Variants in TRIOBP observed in about 807,000 individuals in gnomAD.
TRIOBP encodes TRIO and F-actin-binding protein.
TRIOBP carries 169 observed loss-of-function variants against 238.8 expected under a neutral mutation model. The observed-to-expected ratio is 0.71, with a 90% confidence interval of 0.62 to 0.80. TRIOBP has a LOEUF of 0.80. Among genes scored for constraint, TRIOBP ranks in the 30% least tolerant of loss-of-function variants. The probability of loss-of-function intolerance (pLI) is 0.00; values close to 1 mark genes in which losing one functional copy is unlikely to be tolerated. For synonymous variants in TRIOBP, 1,150 were observed against 1,274.4 expected (o/e 0.90, Z 2.08); for missense variants, 2,838 against 3,122.6 (o/e 0.91, Z 2.17).
chr22:37,765,849 G>A (rs757903896), intron 18 of TRIOBP, 32 bp downstream of exon 18: 1 of 1,575,904 alleles, frequency 6.3e-7, no homozygotes, highest in East Asian at 2.3e-5. Flanking sequence ...CAGTGGGCTG[G>A]GCTCTGAGCC....
chr22:37,765,738 G>C lies in TRIOBP; in HGVS notation c.6393G>C (p.Arg2131=), dbSNP rs1926458470. The change falls in exon 18 of 24, where the codon CGG becomes CGC. Residue 2131 remains arginine, a synonymous_variant. Transcript: ENST00000644935. ...SHQQVMEELQ[R]HHERELQRLQ... Reference sequence around the variant, plus strand: ...AGCAGGTGATGGAGGAGCTGCAGCGGCACCACGAGCGGGAGCTGCAGCGCC... The same window carrying C: ...AGCAGGTGATGGAGGAGCTGCAGCGCCACCACGAGCGGGAGCTGCAGCGCC... 6.4e-7 allele frequency: 1 copy of C among 1,568,722 alleles called. No homozygotes were observed. Among genetic ancestry groups the C allele is most frequent in the African/African-American group, 1.4e-5 (1 of 73,778 alleles).
chr22:37,736,393 A>G (rs539542076), intron 9 of TRIOBP, among the ~76,000 whole-genome samples: 86 of 152,202 alleles, frequency 5.7e-4, no homozygotes, highest in African/African-American at 1.8e-3. Flanking sequence ...TCCTAGATGC[A>G]AAGTCCAACG....
rs756323680 is a variant in TRIOBP, at chr22:37,735,211, G to A, written c.4875G>A (p.Glu1625=). 1.9e-6 allele frequency: 3 copies of A among 1,607,844 alleles called. No individual in the cohort carries two copies. The Admixed American group carries it at 5.0e-5, about 27-fold the overall frequency. ...GCACAAACGATGTCCCTGAGCAGGA[G>A]TCACACAGCCAGCCAGAAGGCTGGG... The part of the protein sequence containing the change: ...PPGTNDVPEQ[E]SHSQPEGWAE... Residue 1625 remains glutamate, a synonymous_variant, in exon 9 of 24, where the codon GAG becomes GAA. Transcript: ENST00000644935.
intron 5 of TRIOBP, among the ~76,000 whole-genome samples, chr22:37,715,361 G>T (rs1923458963): frequency 1.4e-5 from 2 of 146,828 alleles, no homozygotes; most frequent in Non-Finnish European, 3.0e-5. Flanking sequence ...TTTGTTTTTT[G>T]AGACAGAGTC....
chr22:37,727,847 C>G (rs995964160), intron 7 of TRIOBP, among the ~76,000 whole-genome samples: 1 of 152,124 alleles, frequency 6.6e-6, no homozygotes, highest in Non-Finnish European at 1.5e-5. Context: ...CCTGATCAGG[C>G]TGAGGTTTCT....
intron 4 of TRIOBP, 34 bp downstream of exon 4, chr22:37,710,600 A>C: frequency 6.3e-7 from 1 of 1,594,494 alleles, no homozygotes. Context: ...GAAGGGCTTC[A>C]TGGGGTGGAA....
intron 12 of TRIOBP, among the ~76,000 whole-genome samples, chr22:37,752,752 C>T (rs1925689281): frequency 1.3e-5 from 2 of 152,234 alleles, no homozygotes; most frequent in African/African-American, 2.4e-5. Context: ...CACCCAGGGT[C>T]CCCGGAGGGC....
intron 5 of TRIOBP, 131 bp from the exon 6 acceptor site, chr22:37,715,632 A>G: frequency 1.9e-6 from 2 of 1,065,214 alleles, no homozygotes. Flanking sequence ...CGTGAGCCAC[A>G]GCGCCTGGCC....
chr22:37,748,783 C>A (rs1382858085), intron 11 of TRIOBP, among the ~76,000 whole-genome samples: 6 of 152,030 alleles, frequency 3.9e-5, no homozygotes, highest in Non-Finnish European at 8.8e-5. Flanking sequence ...GCTGGTGGTG[C>A]GGTGAGTGGC....
chr22:37,731,571 C>T (rs1924423224), intron 7 of TRIOBP, among the ~76,000 whole-genome samples: 2 of 152,172 alleles, frequency 1.3e-5, no homozygotes, highest in African/African-American at 2.4e-5. Flanking sequence ...ATCCTCCTGC[C>T]TCAGCCTCCT....
At chr22:37,711,871 C>T (rs987518948) in intron 4 of TRIOBP, among the ~76,000 whole-genome samples, 17 of 152,120 alleles carry the variant, frequency 1.1e-4, no homozygotes, top group Non-Finnish European at 1.0e-4. Context: ...ATACTGCCAG[C>T]GCTAAGCCTT....
At chr22:37,738,290 T>C (rs1045828257) in intron 9 of TRIOBP, among the ~76,000 whole-genome samples, 3 of 152,062 alleles carry the variant, frequency 2.0e-5, no homozygotes, top group Non-Finnish European at 4.4e-5. Flanking sequence ...TTGGGTGGAA[T>C]ATGAATGGAT....
rs759231894 is a variant in TRIOBP at position 37,725,001 on chromosome 22, C to T, written c.2445C>T (p.Pro815=). ...SPIRATQQDN[P]RTCIQQNIPR... ...TCAGAGCCACCCAACAGGACAACCC[C>T]AGAACTTGTATTCAACAGAACATCC... is the stretch of plus-strand genomic sequence containing the variant. Residue 815 remains proline, a synonymous_variant, in exon 7 of 24, where the codon CCC becomes CCT. Transcript: ENST00000644935. The T allele has an allele frequency of 6.2e-7, 1 of 1,614,036 alleles. No homozygotes were observed. The highest frequency in any genetic ancestry group is 1.7e-5 in the Admixed American group (1 of 60,014).
chr22:37,772,963 C>G (rs533278828), intron 23 of TRIOBP, among the ~76,000 whole-genome samples, 199 bp downstream of exon 23: 1 of 152,228 alleles, frequency 6.6e-6, no homozygotes, highest in Non-Finnish European at 1.5e-5. Context: ...GCTTCATCAG[C>G]TTAAGCCTGT....
chr22:37,750,919 G>A (rs1925555903), intron 11 of TRIOBP: 2 of 375,750 alleles, frequency 5.3e-6, no homozygotes, highest in Admixed American at 6.5e-5. Flanking sequence ...GGGCTGATAG[G>A]TAGGCTCAGA....
chr22:37,759,231 G>A lies in TRIOBP; in HGVS notation c.6291G>A (p.Glu2097=). Residue 2097 remains glutamate (E), a synonymous_variant, in exon 17 of 24, where the codon GAG becomes GAA. Transcript: ENST00000644935. ...CTCAGAGTGCACTGAGATCCCAGGA[G>A]GATGGCCACATCCCCCCGGGCTACA... ...EAPQSALRSQ[E]DGHIPPGYIS... The A allele has an allele frequency of 6.2e-7, 1 of 1,613,148 alleles. No homozygotes were observed. The highest frequency in any genetic ancestry group is 1.1e-5 in the South Asian group (1 of 91,080).
At chr22:37,722,961 G>A (rs190434816) in intron 6 of TRIOBP, among the ~76,000 whole-genome samples, 10 of 152,248 alleles carry the variant, frequency 6.6e-5, no homozygotes, top group Non-Finnish European at 1.3e-4. Context: ...AGTGAGTCAG[G>A]GTCTCAATTT....
rs142698564 is a variant in TRIOBP at position 37,763,181 on chromosome 22, G to T, written c.6325-2489G>T. Among the ~76,000 whole-genome samples, 5 of 152,326 alleles carry T rather than the reference G, an allele frequency of 3.3e-5. No homozygotes were observed. In the East Asian group the frequency reaches 9.6e-4, roughly 29 times the overall value. ...CCCCACATTGCTGGGCTCCCCACTG[G>T]TGGATGCTGGCGTACCGTCTCCCTC... On this transcript the variant is annotated intron_variant, in intron 17 of 23. Coordinates refer to ENST00000644935, the MANE Select transcript of TRIOBP (RefSeq NM_001039141.3).
chr22:37,701,542 C>A, intron 3 of TRIOBP, 63 bp downstream of exon 3: 2 of 1,214,262 alleles, frequency 1.6e-6, no homozygotes, highest in Non-Finnish European at 2.4e-6. Flanking sequence ...AGGACTGGGC[C>A]TGTGGTGTCC....
Sources: allele counts gnomAD v4.1 joint callset (sites outside exome capture counted in the v4.1 genomes callset), GRCh38; gene constraint gnomAD v4.1.1; transcripts MANE v1.5; gene names NCBI Gene and HGNC (gene_info 2026-07-23, HGNC 2026-07-21).